AXIN2: variants seen among roughly 807,000 people sequenced by gnomAD.
AXIN2 encodes axin-2.
In AXIN2, 21 loss-of-function variants were observed where a neutral mutation model predicts 74.7. The observed-to-expected ratio is 0.28, with a 90% CI of 0.20 to 0.40. The LOEUF is 0.40. Ranked by LOEUF, AXIN2 falls within the 10% of genes least tolerant of loss-of-function variation. The pLI, the probability that AXIN2 is intolerant of heterozygous loss-of-function variation, is 1.00. For synonymous variants in AXIN2, 532 were observed against 454.9 expected, an observed-to-expected ratio of 1.17 and a Z score of -2.16; for missense variants, 1,144 against 1,111.1, an observed-to-expected ratio of 1.03 and a Z score of -0.42.
intron 3 of AXIN2, among the ~76,000 whole-genome samples, chr17:65,543,650 CA>C (rs768935205): frequency 5.7e-4 from 86 of 152,208 alleles, no homozygotes; most frequent in Non-Finnish European, 1.1e-3. Context: ...GACTCCAGAA[CA>C]GGCATCTGTA....
At chr17:65,538,100 C>A in intron 5 of AXIN2, 103 bp downstream of exon 5, 1 of 1,574,314 alleles carries the variant, frequency 6.4e-7, no homozygotes, top group South Asian at 1.1e-5. Flanking sequence ...CGCATGCAAC[C>A]CACGCACATG....
intron 3 of AXIN2, among the ~76,000 whole-genome samples, chr17:65,541,818 G>C (rs2044048158): frequency 6.6e-6 from 1 of 152,336 alleles, no homozygotes; most frequent in East Asian, 1.9e-4. Flanking sequence ...AGCCTGGAAA[G>C]TTAATCTCTC....
Position 65,530,063 on chromosome 17 carries a change from T to G in AXIN2, c.2445A>C (p.Gly815=), listed in dbSNP as rs1359075414. The part of the protein sequence containing the change: ...FKKASDEFAC[G]AVFEEIWEDE... The stretch of plus-strand genomic sequence containing the variant: ...CCTCCCAGATCTCCTCAAACACCGC[T>G]CCACAGGCAAACTCATCGCTTGCTT... Residue 815 remains glycine (G), a synonymous_variant, in exon 11 of 11, where the codon GGA becomes GGC. Transcript: ENST00000307078. 1.9e-6 allele frequency: 3 copies of G among 1,613,984 alleles called. No homozygotes were observed. Among genetic ancestry groups the G allele is most frequent in the Non-Finnish European group, 2.5e-6 (3 of 1,180,024 alleles).
At chr17:65,541,620 G>A in intron 3 of AXIN2, 63 bp from the exon 4 acceptor site, 1 of 1,361,908 alleles carries the variant, frequency 7.3e-7, no homozygotes. Flanking sequence ...CATCACATGG[G>A]CTACTGTCAT....
intron 3 of AXIN2, among the ~76,000 whole-genome samples, chr17:65,545,264 A>G (rs2044102140): frequency 6.6e-6 from 1 of 152,206 alleles, no homozygotes; most frequent in Admixed American, 6.5e-5. Flanking sequence ...TGGGCGGCAA[A>G]GAGTCTGCTG....
In AXIN2 at chr17:65,536,385, G is replaced by A. The variant is rs2043915690; in HGVS notation, c.2076C>T (p.Asn692=). The change falls in exon 8 of 11, where the codon AAC becomes AAT. Residue 692 remains asparagine, a synonymous_variant. Transcript: ENST00000307078. ...DPAMPPLTPP[N]TLAQLEEACR... ...AGGCCTCCTCCAGCTGAGCCAGCGT[G>A]TTGGGTGGGGTCAGGGGAGGCATCG... 6.2e-7 allele frequency: 1 copy of A among 1,613,696 alleles called. No homozygotes were observed. Among genetic ancestry groups the A allele is most frequent in the South Asian group, 1.1e-5 (1 of 91,080 alleles).
At position 65,537,818 on chromosome 17, in the gene AXIN2, G is replaced by A. The variant is rs1264541488; in HGVS notation, c.1218C>T (p.Gly406=). 3 of 1,570,166 alleles carry A rather than the reference G, an allele frequency of 1.9e-6. No homozygotes were observed. Among genetic ancestry groups the A allele is most frequent in the African/African-American group, 1.4e-5 (1 of 73,678 alleles). The change falls in exon 6 of 11, where the codon GGC becomes GGT. Residue 406 remains glycine (G), a synonymous_variant. Coordinates refer to ENST00000307078, the MANE Select transcript of AXIN2 (RefSeq NM_004655.4). ...CCCGCGAATTGAGTGTGAGCTCGGA[G>A]CCCTCTCTCTCTTCATCCTGAAAGG... ...QQIREDEERE[G]SELTLNSREG...
At chr17:65,551,599 G>A (rs1417931391) in intron 2 of AXIN2, among the ~76,000 whole-genome samples, 2 of 152,210 alleles carry the variant, frequency 1.3e-5, no homozygotes, top group Admixed American at 6.5e-5. Context: ...CCACAATTTG[G>A]TGTGAGGGTC....
At chr17:65,536,641 A>G (rs891461292) in intron 7 of AXIN2, 88 bp from the exon 8 acceptor site, 1 of 1,490,744 alleles carries the variant, frequency 6.7e-7, no homozygotes, top group Non-Finnish European at 9.3e-7. Context: ...AAACTTGTCT[A>G]TTCTGCTCAG....
intron 1 of AXIN2, chr17:65,560,245 A>T (rs1010352912): frequency 1.3e-5 from 2 of 152,158 alleles, no homozygotes; most frequent in Non-Finnish European, 2.9e-5. Flanking sequence ...GCCACGGGCG[A>T]GGGGCCCGGG....
At chr17:65,530,564 G>A (rs1894973272) in intron 10 of AXIN2, among the ~76,000 whole-genome samples, 1 of 152,226 alleles carries the variant, frequency 6.6e-6, no homozygotes, top group Non-Finnish European at 1.5e-5. Context: ...CACACCTGGA[G>A]AGCCGGAACC....
Position 65,535,697 on chromosome 17 carries a change from C to T in AXIN2, c.2166G>A (p.Arg722=), listed in dbSNP as rs2043900688. 2.5e-6 allele frequency: 4 copies of T among 1,614,042 alleles called. No homozygotes were observed. The highest frequency in any genetic ancestry group is 3.3e-5 in the Admixed American group (2 of 60,004). ...KQRCCVASQQ[R]DRNHSATVQT... ...GAACAGTGGCCGAATGATTCCTGTC[C>T]CTCTGCTGACTGGCCACACAGCACC... Residue 722 remains arginine, a synonymous_variant, in exon 9 of 11, where the codon AGG becomes AGA. Transcript: ENST00000307078.
chr17:65,557,539 T>C (rs772014995), intron 2 of AXIN2, among the ~76,000 whole-genome samples: 13 of 152,146 alleles, frequency 8.5e-5, no homozygotes, highest in African/African-American at 3.1e-4. Flanking sequence ...TCTGAGACAC[T>C]AGCCCGGGAT....
chr17:65,546,653 G>C (rs980988752), intron 3 of AXIN2, among the ~76,000 whole-genome samples: 14 of 152,178 alleles, frequency 9.2e-5, no homozygotes, highest in Non-Finnish European at 1.5e-4. Context: ...CTCCTAATTA[G>C]TATAAATGCC....
At chr17:65,536,659 G>T in intron 7 of AXIN2, 106 bp from the exon 8 acceptor site, 3 of 1,421,712 alleles carry the variant, frequency 2.1e-6, no homozygotes, top group Non-Finnish European at 2.9e-6. Context: ...CAGAGAGAGA[G>T]TTAAAAAAAA....
rs1598120722 is a variant in AXIN2 at position 65,558,735 on chromosome 17, C to G, written c.-115G>C. ...CAGCAGGGGCTCATCTGAACCTCCT[C>G]TCTGGAAAGAAAAGGAAGGGGGGAG... On this transcript the variant is annotated splice_region_variant and 5_prime_UTR_variant, in exon 2 of 11. Transcript: ENST00000307078. The G allele has an allele frequency of 1.8e-6, 2 of 1,096,782 alleles. No homozygotes were observed. The highest frequency in any genetic ancestry group is 2.7e-6 in the Non-Finnish European group (2 of 748,284). The allele number at this position is 1,096,782 out of a possible 1,614,324, so 67.9% of individuals were successfully genotyped here.
Position 65,537,645 on chromosome 17 carries a change from G to A in AXIN2, c.1391C>T (p.Ser464Phe), listed in dbSNP as rs777283610. 3 of 1,578,020 alleles carry A rather than the reference G, an allele frequency of 1.9e-6. No homozygotes were observed. The highest frequency in any genetic ancestry group is 1.3e-5 in the African/African-American group (1 of 74,542). ...SPGVGRYSPR[S>F]RSPDHHHHHH... Reference sequence around the variant, plus strand: ...GTGGTGGTGGTGGTCCGGGGAGCGGGAGCGGGGGCTATAGCGGCCTACGCC... The same window carrying A: ...GTGGTGGTGGTGGTCCGGGGAGCGGAAGCGGGGGCTATAGCGGCCTACGCC... The change falls in exon 6 of 11, where the codon TCC becomes TTC. Residue 464 changes from serine to phenylalanine, a missense_variant. Coordinates refer to ENST00000307078, the MANE Select transcript of AXIN2 (RefSeq NM_004655.4).
chr17:65,530,233 C>T (rs981741720), intron 10 of AXIN2, 131 bp from the exon 11 acceptor site: 31 of 1,235,758 alleles, frequency 2.5e-5, no homozygotes, highest in Middle Eastern at 2.3e-4. Context: ...TACACTGTTG[C>T]GCACATCTGC....
At chr17:65,531,121 C>T (rs2043808440) in intron 10 of AXIN2, among the ~76,000 whole-genome samples, 1 of 152,024 alleles carries the variant, frequency 6.6e-6, no homozygotes, top group African/African-American at 2.4e-5. Context: ...TCACAGTCCC[C>T]TGGGGGGATG....
Sources: allele counts gnomAD v4.1 joint callset (sites outside exome capture counted in the v4.1 genomes callset), GRCh38; gene constraint gnomAD v4.1.1; transcripts MANE v1.5; gene names NCBI Gene and HGNC (gene_info 2026-07-23, HGNC 2026-07-21).